SOX6: variants seen among roughly 807,000 people sequenced by gnomAD.
The protein encoded by SOX6 is SRY-box transcription factor 6, also known as transcription factor SOX-6.
Under a neutral mutation model 97.8 loss-of-function variants are expected in SOX6, and 11 were observed. The observed-to-expected ratio is 0.11, with a 90% CI of 0.07 to 0.19. SOX6 has a LOEUF of 0.19. Among genes scored for constraint, SOX6 ranks in the 10% least tolerant of loss-of-function variants. The pLI, the probability that SOX6 is intolerant of heterozygous loss-of-function variation, is 1.00. For synonymous variants in SOX6, 360 were observed against 371.4 expected (o/e 0.97, Z 0.35); for missense variants, 810 against 1,039.5 (o/e 0.78, Z 3.04).
intron 4 of SOX6, among the ~76,000 whole-genome samples, chr11:16,570,053 C>T (rs1277307521): frequency 6.6e-6 from 1 of 151,992 alleles, no homozygotes; most frequent in Non-Finnish European, 1.5e-5. Context: ...AGATGCTCAC[C>T]CTTCAGCAAT....
At chr11:16,022,738 CTAAG>C (rs1855105784) in intron 12 of SOX6, among the ~76,000 whole-genome samples, 2 of 152,096 alleles carry the variant, frequency 1.3e-5, no homozygotes, top group Admixed American at 1.3e-4. Flanking sequence ...ATCTTGGCTG[CTAAG>C]TAACTCAGAA....
At chr11:15,986,065 G>T in intron 15 of SOX6, 139 bp downstream of exon 15, 1 of 855,036 alleles carries the variant, frequency 1.2e-6, no homozygotes, top group Non-Finnish European at 2.0e-6. Context: ...ACACAGCAAA[G>T]ATTCTCATGG....
At chr11:16,048,600 T>C (rs1347445930) in intron 11 of SOX6, among the ~76,000 whole-genome samples, 1 of 152,178 alleles carries the variant, frequency 6.6e-6, no homozygotes, top group Admixed American at 6.6e-5. Flanking sequence ...CATAATAATA[T>C]ACTATCTAAC....
chr11:16,036,976 A>G (rs1855536394), intron 12 of SOX6, among the ~76,000 whole-genome samples: 1 of 152,202 alleles, frequency 6.6e-6, no homozygotes, highest in South Asian at 2.1e-4. Flanking sequence ...TTTAAACTGA[A>G]CCCAACTTTA....
chr11:16,200,656 A>G (rs966743101), intron 4 of SOX6, among the ~76,000 whole-genome samples: 18 of 152,202 alleles, frequency 1.2e-4, no homozygotes, highest in African/African-American at 4.1e-4. Flanking sequence ...AAAAACTGTT[A>G]TGTTCTTTGA....
At chr11:16,157,955 A>G (rs972470784) in intron 6 of SOX6, among the ~76,000 whole-genome samples, 12 of 152,118 alleles carry the variant, frequency 7.9e-5, no homozygotes, top group Admixed American at 2.0e-4. Context: ...CTTCCTCTGC[A>G]CTTCTATGGC....
rs117526860 is a variant in SOX6 at position 16,113,679 on chromosome 11, C to T, written c.778-1756G>A. 3.6e-4 allele frequency among the ~76,000 whole-genome samples: 54 copies of T among 152,028 alleles called. No homozygotes were observed. The East Asian group carries it at 9.1e-3, about 26-fold the overall frequency. On this transcript the variant is annotated intron_variant, in intron 6 of 15. Transcript: ENST00000683767. ...TCCAGAAATATGGCCCTAATATGTA[C>T]CTAAAATATAGCACAGATGGCTTAT...
At chr11:16,614,711 T>A (rs1265209623) in intron 3 of SOX6, among the ~76,000 whole-genome samples, 1 of 152,194 alleles carries the variant, frequency 6.6e-6, no homozygotes, top group Non-Finnish European at 1.5e-5. Flanking sequence ...CTTGGGGACA[T>A]CTGCAAGGCC....
intron 4 of SOX6, among the ~76,000 whole-genome samples, chr11:16,593,987 T>C (rs1413588618): frequency 2.0e-5 from 3 of 152,192 alleles, no homozygotes; most frequent in African/African-American, 4.8e-5. Flanking sequence ...CCTGATAACA[T>C]TGATGAGCTT....
chr11:16,623,224 T>A (rs1848570298), intron 3 of SOX6, among the ~76,000 whole-genome samples: 1 of 152,132 alleles, frequency 6.6e-6, no homozygotes, highest in Admixed American at 6.6e-5. Context: ...TTTCACCATG[T>A]TGGTCAGACT....
chr11:16,301,261 T>C (rs1262049107), intron 3 of SOX6, among the ~76,000 whole-genome samples: 1 of 152,184 alleles, frequency 6.6e-6, no homozygotes, highest in Non-Finnish European at 1.5e-5. Flanking sequence ...TCAAACAAAT[T>C]TATCCATTAT....
At chr11:16,046,281 C>A (rs982260054) in intron 12 of SOX6, among the ~76,000 whole-genome samples, 1 of 151,952 alleles carries the variant, frequency 6.6e-6, no homozygotes, top group African/African-American at 2.4e-5. Context: ...AGAAAAACAC[C>A]AATAGGCAGG....
At chr11:16,687,528 CCTCCCAAAGTG>C (rs1209807442) in intron 3 of SOX6, among the ~76,000 whole-genome samples, 4 of 152,200 alleles carry the variant, frequency 2.6e-5, no homozygotes, top group African/African-American at 7.2e-5. Context: ...GATCCACCTG[CCTCCCAAAGTG>C]CTCCCAAAGT....
chr11:16,283,795 T>C, intron 3 of SOX6: 5 of 301,108 alleles, frequency 1.7e-5, no homozygotes, highest in Middle Eastern at 4.6e-4. Flanking sequence ...CTCTATTCAA[T>C]GCTGCTAATG....
intron 12 of SOX6, among the ~76,000 whole-genome samples, chr11:16,019,972 T>C (rs975281022): frequency 1.3e-5 from 2 of 152,202 alleles, no homozygotes; most frequent in Non-Finnish European, 2.9e-5. Flanking sequence ...ATAAGTCTTG[T>C]CGTTTTCATC....
intron 1 of SOX6, among the ~76,000 whole-genome samples, chr11:16,361,914 G>C (rs1238510509): frequency 6.6e-6 from 1 of 152,178 alleles, no homozygotes; most frequent in African/African-American, 2.4e-5. Context: ...CTATATGCTT[G>C]TATGTTATTC....
At chr11:16,608,812 T>A (rs1848365224) in intron 4 of SOX6, among the ~76,000 whole-genome samples, 1 of 152,204 alleles carries the variant, frequency 6.6e-6, no homozygotes, top group African/African-American at 2.4e-5. Context: ...GTCTTCATTG[T>A]ATGGGATTGA....
intron 9 of SOX6, among the ~76,000 whole-genome samples, chr11:16,082,888 TTCAC>T (rs757671981): frequency 1.3e-5 from 2 of 152,246 alleles, no homozygotes; most frequent in South Asian, 2.1e-4. Flanking sequence ...CCTTTCCAAT[TTCAC>T]CTATGATTGC....
intron 11 of SOX6, among the ~76,000 whole-genome samples, chr11:16,047,982 A>G (rs773824763): frequency 6.6e-6 from 1 of 152,114 alleles, no homozygotes; most frequent in Non-Finnish European, 1.5e-5. Context: ...CTGTTCAAAC[A>G]CAGGTGCTAT....
Sources: allele counts gnomAD v4.1 joint callset (sites outside exome capture counted in the v4.1 genomes callset), GRCh38; gene constraint gnomAD v4.1.1; transcripts MANE v1.5; gene names NCBI Gene and HGNC (gene_info 2026-07-23, HGNC 2026-07-21).